The following OPCML variants were observed in gnomAD, a reference collection of about 807,000 sequenced individuals.
OPCML encodes opioid binding protein/cell adhesion molecule like.
OPCML carries 13 observed loss-of-function variants against 37.8 expected under a neutral mutation model. The ratio of observed to expected loss-of-function variants is 0.34; its 90% CI spans 0.22 to 0.55. The LOEUF (loss-of-function observed/expected upper bound fraction) is 0.55, where lower values mean the gene tolerates loss of function less well. OPCML is among the 20% of genes least tolerant of loss of function. OPCML has a pLI of 0.91. For missense variants in OPCML, 341 were observed against 435.6 expected (o/e 0.78, Z 1.93); for synonymous variants, 176 against 168.8 (o/e 1.04, Z -0.33).
intron 1 of OPCML, among the ~76,000 whole-genome samples, chr11:133,123,643 G>C (rs1239050347): frequency 1.3e-5 from 2 of 151,982 alleles, no homozygotes; most frequent in African/African-American, 4.8e-5. Flanking sequence ...CCAGATGGAT[G>C]GGTTCTTGGA....
chr11:132,596,581 G>C (rs1261833635), intron 3 of OPCML, among the ~76,000 whole-genome samples: 1 of 152,128 alleles, frequency 6.6e-6, no homozygotes, highest in Non-Finnish European at 1.5e-5. Context: ...ACTCTGTCAA[G>C]GGTTGTGTTG....
At chr11:132,909,388 T>C (rs1258758815) in intron 2 of OPCML, among the ~76,000 whole-genome samples, 1 of 152,202 alleles carries the variant, frequency 6.6e-6, no homozygotes, top group Non-Finnish European at 1.5e-5. Flanking sequence ...TGAGAGACCA[T>C]TTCATAGGCA....
intron 1 of OPCML, among the ~76,000 whole-genome samples, chr11:133,199,898 A>T (rs989167798): frequency 2.6e-5 from 4 of 152,234 alleles, no homozygotes; most frequent in African/African-American, 9.6e-5. Flanking sequence ...TCTAACAGCC[A>T]GTAGATGCTC....
intron 4 of OPCML, among the ~76,000 whole-genome samples, chr11:132,509,911 A>T (rs2096265244): frequency 6.6e-6 from 1 of 152,286 alleles, no homozygotes; most frequent in Non-Finnish European, 1.5e-5. Flanking sequence ...ACTGTCCTTC[A>T]GACTGCAGAA....
In OPCML at chr11:132,583,489, G is replaced by A. The variant is rs563499040; in HGVS notation, c.380-54303C>T. Among the ~76,000 whole-genome samples the A allele has an allele frequency of 2.6e-5, 4 of 152,134 alleles. No individual in the cohort carries two copies. In the South Asian group the frequency reaches 8.3e-4, roughly 32 times the overall value. ...AACTTTTTATTTTTTTTATGAAATTGTGGGTCTTTCTTTGTTGCTTATGCT... is the reference window on the plus strand; with the variant it reads ...AACTTTTTATTTTTTTTATGAAATTATGGGTCTTTCTTTGTTGCTTATGCT... On this transcript the variant is annotated intron_variant, in intron 3 of 7. Transcript: ENST00000524381.
intron 2 of OPCML, among the ~76,000 whole-genome samples, chr11:132,725,718 C>A (rs1368449904): frequency 6.6e-6 from 1 of 151,026 alleles, no homozygotes; most frequent in East Asian, 2.0e-4. Context: ...AATTTCTCTG[C>A]CAGAGTGAGC....
intron 2 of OPCML, among the ~76,000 whole-genome samples, chr11:132,809,148 A>G (rs910616554): frequency 3.3e-5 from 5 of 152,174 alleles, no homozygotes; most frequent in Admixed American, 1.3e-4. Context: ...ATGCTGAGTT[A>G]ATTTTCTTCC....
intron 1 of OPCML, among the ~76,000 whole-genome samples, chr11:133,492,601 C>A (rs1284963550): frequency 6.6e-6 from 1 of 150,394 alleles, no homozygotes; most frequent in African/African-American, 2.5e-5. Flanking sequence ...CCCAGGGTTG[C>A]AGAAGAATTA....
At chr11:133,203,585 A>T (rs1027795910) in intron 1 of OPCML, among the ~76,000 whole-genome samples, 5 of 152,186 alleles carry the variant, frequency 3.3e-5, no homozygotes, top group African/African-American at 1.2e-4. Flanking sequence ...GTAGAACTAG[A>T]AGATAAATTA....
At chr11:132,554,031 G>A (rs2096388545) in intron 3 of OPCML, among the ~76,000 whole-genome samples, 1 of 152,176 alleles carries the variant, frequency 6.6e-6, no homozygotes, top group African/African-American at 2.4e-5. Flanking sequence ...TGCCTGCCAG[G>A]GACCTTTCTG....
intron 1 of OPCML, among the ~76,000 whole-genome samples, chr11:133,385,994 C>T (rs973949917): frequency 6.6e-6 from 1 of 151,970 alleles, no homozygotes; most frequent in African/African-American, 2.4e-5. Flanking sequence ...CTAAACATTG[C>T]TTCAAGGATC....
chr11:132,624,296 C>T (rs1335524898), intron 3 of OPCML, among the ~76,000 whole-genome samples: 2 of 152,206 alleles, frequency 1.3e-5, no homozygotes, highest in Non-Finnish European at 2.9e-5. Context: ...CTTCCCACCA[C>T]ACCCTTACTG....
At chr11:133,094,588 T>C (rs1395823780) in intron 1 of OPCML, among the ~76,000 whole-genome samples, 1 of 152,220 alleles carries the variant, frequency 6.6e-6, no homozygotes, top group Non-Finnish European at 1.5e-5. Context: ...ATCTTGTTAG[T>C]AGACTATATT....
intron 1 of OPCML, among the ~76,000 whole-genome samples, chr11:133,334,458 C>G (rs1002945203): frequency 4.6e-5 from 7 of 151,692 alleles, no homozygotes; most frequent in African/African-American, 1.7e-4. Flanking sequence ...AACTCATGAA[C>G]AAAAAGAAGG....
intron 1 of OPCML, chr11:133,024,283 C>G (rs995045822): frequency 1.1e-6 from 1 of 904,658 alleles, no homozygotes; most frequent in Non-Finnish European, 1.3e-6. Flanking sequence ...CTAGAGCAAG[C>G]GTGTTGTGCA....
At chr11:133,068,379 C>T (rs1948472585) in intron 1 of OPCML, among the ~76,000 whole-genome samples, 1 of 152,214 alleles carries the variant, frequency 6.6e-6, no homozygotes, top group African/African-American at 2.4e-5. Flanking sequence ...TGGGAGATTT[C>T]TGCCAGCAGA....
intron 1 of OPCML, among the ~76,000 whole-genome samples, chr11:133,318,880 T>C (rs1943265023): frequency 6.6e-6 from 1 of 151,884 alleles, no homozygotes; most frequent in South Asian, 2.1e-4. Context: ...CTACTAAAAA[T>C]ACAAAAATTA....
Position 132,477,613 on chromosome 11 carries a change from A to G in OPCML, c.506-40254T>C, listed in dbSNP as rs549317040. 5.3e-5 allele frequency among the ~76,000 whole-genome samples: 8 copies of G among 152,314 alleles called. No homozygotes were observed. The East Asian group carries it at 1.4e-3, about 26-fold the overall frequency. On this transcript the variant is annotated intron_variant, in intron 4 of 7. Coordinates refer to ENST00000524381, the MANE Select transcript of OPCML (RefSeq NM_001012393.5). ...TTTAAATGTAAGATTGAGAGAGGAG[A>G]GCACTCTTAACCTCCAACATGAGGA...
At chr11:133,127,030 T>A (rs74507636) in intron 1 of OPCML, among the ~76,000 whole-genome samples, 1 of 152,116 alleles carries the variant, frequency 6.6e-6, no homozygotes, top group African/African-American at 2.4e-5. Context: ...CACTACCTCC[T>A]TTTTCCCATC....
Sources: allele counts gnomAD v4.1 joint callset (sites outside exome capture counted in the v4.1 genomes callset), GRCh38; gene constraint gnomAD v4.1.1; transcripts MANE v1.5; gene names NCBI Gene and HGNC (gene_info 2026-07-23, HGNC 2026-07-21).